RALYL: variants seen among roughly 807,000 people sequenced by gnomAD.
The protein encoded by RALYL is RNA-binding Raly-like protein.
A neutral mutation model predicts 35.1 loss-of-function variants in RALYL; 29 were observed. The ratio of observed to expected loss-of-function variants is 0.83; its 90% CI spans 0.61 to 1.13. The LOEUF (loss-of-function observed/expected upper bound fraction) is 1.13, where lower values mean the gene tolerates loss of function less well. RALYL is among the 50% of genes most tolerant of loss of function. The pLI, the probability that RALYL is intolerant of heterozygous loss-of-function variation, is 0.00. For missense variants in RALYL, 359 were observed against 360.4 expected, an observed-to-expected ratio of 1.00 and a Z score of 0.03; for synonymous variants, 120 against 127.6, an observed-to-expected ratio of 0.94 and a Z score of 0.40.
At chr8:84,312,132 C>A (rs1000181822) in intron 1 of RALYL, among the ~76,000 whole-genome samples, 3 of 152,080 alleles carry the variant, frequency 2.0e-5, no homozygotes, top group African/African-American at 7.2e-5. Context: ...AGAGAGATAG[C>A]AAGGGCAGGG....
chr8:84,238,685 A>T (rs1827161109), intron 1 of RALYL, among the ~76,000 whole-genome samples: 1 of 152,174 alleles, frequency 6.6e-6, no homozygotes, highest in Non-Finnish European at 1.5e-5. Flanking sequence ...TGAAAAGTCA[A>T]GCCCTTTGAA....
At chr8:84,186,143 T>C (rs1812465483) in intron 1 of RALYL, among the ~76,000 whole-genome samples, 1 of 152,230 alleles carries the variant, frequency 6.6e-6, no homozygotes, top group African/African-American at 2.4e-5. Flanking sequence ...GTTGCATTTA[T>C]ATAAAGAAGA....
intron 1 of RALYL, among the ~76,000 whole-genome samples, chr8:84,390,096 G>A (rs888300716): frequency 2.6e-5 from 4 of 151,442 alleles, no homozygotes; most frequent in Admixed American, 1.3e-4. Flanking sequence ...CATCAATTGA[G>A]ATAATCATGG....
rs530048123 is a variant in RALYL at position 84,689,662 on chromosome 8, C to T, written c.257-84917C>T. Among the ~76,000 whole-genome samples, 11 of 152,238 alleles carry T rather than the reference C, an allele frequency of 7.2e-5. No homozygotes were observed. The South Asian group carries it at 1.7e-3, about 23-fold the overall frequency. The stretch of plus-strand genomic sequence containing the variant: ...CCTGAGGAATCACCACACTGACTTC[C>T]ACAAGGGTTGAACTAGTTTACAGTC... On this transcript the variant is annotated intron_variant, in intron 2 of 8. Transcript: ENST00000521268.
chr8:84,572,468 T>C (rs1808244274), intron 2 of RALYL, among the ~76,000 whole-genome samples: 1 of 151,806 alleles, frequency 6.6e-6, no homozygotes, highest in African/African-American at 2.4e-5. Flanking sequence ...CCTTTGAGTA[T>C]TTCTTGTAGG....
intron 2 of RALYL, among the ~76,000 whole-genome samples, chr8:84,687,567 C>T (rs1386637210): frequency 6.6e-6 from 1 of 151,986 alleles, no homozygotes; most frequent in African/African-American, 2.4e-5. Context: ...TTTATATAGA[C>T]AAGTATCTTG....
At chr8:84,823,244 G>C (rs112118366) in intron 4 of RALYL, among the ~76,000 whole-genome samples, 22 of 152,214 alleles carry the variant, frequency 1.4e-4, no homozygotes, top group African/African-American at 5.3e-4. Flanking sequence ...CCCTAGACAA[G>C]ACTACATCTT....
chr8:84,211,411 T>C lies in RALYL; in HGVS notation c.-24+26987T>C, dbSNP rs114296773. On this transcript the variant is annotated intron_variant, in intron 1 of 8. Transcript: ENST00000521268. ...CTAGAATGGTCTATTGAATGTTTGG[T>C]TGTTTAAATGACTGCAGCAACTTGC... is the stretch of plus-strand genomic sequence containing the variant. Among the ~76,000 whole-genome samples the C allele has an allele frequency of 8.3e-3, 1,270 of 152,242 alleles. 18 individuals are homozygous for C. Among genetic ancestry groups the C allele is most frequent in the African/African-American group, 0.029 (1,196 of 41,550 alleles).
chr8:84,654,650 T>A (rs1265175419), intron 2 of RALYL, among the ~76,000 whole-genome samples: 2 of 152,074 alleles, frequency 1.3e-5, no homozygotes, highest in African/African-American at 2.4e-5. Context: ...TGTTTTAATA[T>A]TTAGCTCCAC....
intron 2 of RALYL, among the ~76,000 whole-genome samples, chr8:84,677,890 GA>G (rs990137993): frequency 1.3e-5 from 2 of 152,028 alleles, no homozygotes; most frequent in African/African-American, 2.4e-5. Flanking sequence ...CATTTTTCAA[GA>G]AATAAACTTA....
intron 2 of RALYL, among the ~76,000 whole-genome samples, chr8:84,613,960 A>G (rs1464044751): frequency 6.6e-6 from 1 of 150,768 alleles, no homozygotes; most frequent in African/African-American, 2.5e-5. Context: ...GTTGGTCTAA[A>G]AAGTATAGAA....
At chr8:84,558,762 C>A (rs1315173945) in intron 2 of RALYL, among the ~76,000 whole-genome samples, 1 of 152,102 alleles carries the variant, frequency 6.6e-6, no homozygotes, top group South Asian at 2.1e-4. Flanking sequence ...AGTTTTTCAA[C>A]ATGTGCTGTA....
chr8:84,240,356 T>A (rs1225878797), intron 1 of RALYL, among the ~76,000 whole-genome samples: 1 of 152,262 alleles, frequency 6.6e-6, no homozygotes, highest in Non-Finnish European at 1.5e-5. Context: ...TATTGCTGAT[T>A]TTGAACTCTT....
chr8:84,574,946 G>C (rs1171435395), intron 2 of RALYL, among the ~76,000 whole-genome samples: 2 of 152,090 alleles, frequency 1.3e-5, no homozygotes, highest in African/African-American at 4.8e-5. Flanking sequence ...TAAGGTAAAA[G>C]TTTCTGGAAT....
intron 4 of RALYL, among the ~76,000 whole-genome samples, chr8:84,821,583 T>A (rs914731607): frequency 4.6e-5 from 7 of 152,220 alleles, no homozygotes; most frequent in African/African-American, 1.4e-4. Context: ...TTTTAAAGCC[T>A]CACTTCCCAA....
chr8:84,209,962 T>C (rs1819060795), intron 1 of RALYL, among the ~76,000 whole-genome samples: 1 of 152,114 alleles, frequency 6.6e-6, no homozygotes, highest in African/African-American at 2.4e-5. Flanking sequence ...ACCTATGTAG[T>C]GTGATTATGA....
At chr8:84,373,330 T>C (rs1045793874) in intron 1 of RALYL, among the ~76,000 whole-genome samples, 3 of 152,120 alleles carry the variant, frequency 2.0e-5, no homozygotes, top group South Asian at 4.1e-4. Context: ...TAGGTCATCA[T>C]TGAGGGTTTT....
At chr8:84,670,880 C>T (rs879587120) in intron 2 of RALYL, among the ~76,000 whole-genome samples, 30 of 152,264 alleles carry the variant, frequency 2.0e-4, no homozygotes, top group Non-Finnish European at 3.5e-4. Context: ...CATTTCAAAA[C>T]GAATCATGCC....
At chr8:84,555,021 C>G (rs1466369305) in intron 2 of RALYL, among the ~76,000 whole-genome samples, 2 of 152,184 alleles carry the variant, frequency 1.3e-5, no homozygotes, top group Non-Finnish European at 2.9e-5. Context: ...TGGCTCACGC[C>G]TGTAATCCCA....
Sources: gnomAD v4.1 joint callset for allele counts (sites outside exome capture counted in the v4.1 genomes callset) on GRCh38, gnomAD v4.1.1 for gene constraint, MANE v1.5 for transcripts, NCBI Gene and HGNC (gene_info 2026-07-23, HGNC 2026-07-21) for gene names.